FRRS1L: variants seen among roughly 807,000 people sequenced by gnomAD.
The protein encoded by FRRS1L is ferric chelate reductase 1 like.
FRRS1L carries 22 observed loss-of-function variants against 28.6 expected under a neutral mutation model. The observed-to-expected ratio is 0.77, with a 90% CI of 0.55 to 1.10. The LOEUF (loss-of-function observed/expected upper bound fraction) is 1.10. Ranked by LOEUF, FRRS1L falls within the 50% of genes least tolerant of loss-of-function variation. FRRS1L has a pLI of 0.00. For missense variants in FRRS1L, 380 were observed against 386.9 expected (o/e 0.98, Z 0.15); for synonymous variants, 158 against 151.4 (o/e 1.04, Z -0.32).
In FRRS1L at chr9:109,147,099, T is replaced by G. The variant is rs747217887; in HGVS notation, c.414A>C (p.Ala138=). The G allele has an allele frequency of 2.5e-6, 4 of 1,613,756 alleles. No homozygotes were observed. In the Admixed American group the frequency reaches 6.7e-5, roughly 27 times the overall value. The stretch of plus-strand genomic sequence containing the variant: ...CAACTGCTACCCAACCATCTGTGTC[T>G]GCACTCAGCTCAAATTCTACATCAG... ...IGADVEFELS[A]DTDGWVAVGF... Residue 138 remains alanine, a synonymous_variant, in exon 3 of 5, where the codon GCA becomes GCC. Transcript: ENST00000561981.
intron 1 of FRRS1L, among the ~76,000 whole-genome samples, chr9:109,162,499 T>C (rs1308744228): frequency 1.3e-5 from 2 of 152,232 alleles, no homozygotes; most frequent in African/African-American, 2.4e-5. Context: ...AGTCAAACTT[T>C]CTGTGGGTCA....
At chr9:109,161,136 C>T (rs1410599813) in intron 1 of FRRS1L, among the ~76,000 whole-genome samples, 1 of 152,106 alleles carries the variant, frequency 6.6e-6, no homozygotes, top group Non-Finnish European at 1.5e-5. Context: ...TACTCCCCAG[C>T]ATTCCATCTC....
At position 109,136,202 on chromosome 9, in the gene FRRS1L, C is replaced by T. The variant is rs1220050342; in HGVS notation, c.*1253G>A. 4.0e-5 allele frequency: 6 copies of T among 150,016 alleles called. No individual in the cohort carries two copies. Among genetic ancestry groups the T allele is most frequent in the Non-Finnish European group, 7.4e-5 (5 of 67,766 alleles). The allele number at this position is 150,016 out of a possible 1,614,324, so 9.3% of individuals were successfully genotyped here. A position where few individuals can be genotyped will look rare whatever the true frequency, so the allele number is the denominator to read the frequency against. On this transcript the variant is annotated 3_prime_UTR_variant, in exon 5 of 5. Transcript: ENST00000561981. ...AAGCTGAGATCACACCATTGTACTC[C>T]AGCCTGGGCGACAAGAGGGAAAATT...
chr9:109,156,374 T>C (rs1056832381), intron 1 of FRRS1L, among the ~76,000 whole-genome samples: 1 of 152,212 alleles, frequency 6.6e-6, no homozygotes, highest in Non-Finnish European at 1.5e-5. Flanking sequence ...GTTTCCATTT[T>C]TAATTGAATG....
At chr9:109,152,499 G>A (rs1831342384) in intron 1 of FRRS1L, among the ~76,000 whole-genome samples, 1 of 150,894 alleles carries the variant, frequency 6.6e-6, no homozygotes, top group African/African-American at 2.4e-5. Flanking sequence ...GGGTACGATT[G>A]TCTCTTTAAG....
chr9:109,138,538 G>A (rs55915100), intron 4 of FRRS1L: 5,481 of 152,274 alleles, frequency 0.036, 133 homozygotes, highest in South Asian at 0.07. Context: ...CCTGCTTAGT[G>A]TCCGTGCTGG....
intron 4 of FRRS1L, chr9:109,138,719 TC>T (rs1234507954): frequency 3.3e-5 from 5 of 151,848 alleles, no homozygotes; most frequent in Non-Finnish European, 5.9e-5. Context: ...TCTCAATAGA[TC>T]CCAGTCACCT....
chr9:109,150,534 A>G (rs1273734298), intron 1 of FRRS1L: 1 of 152,142 alleles, frequency 6.6e-6, no homozygotes, highest in Non-Finnish European at 1.5e-5. Context: ...AATTCTTTAA[A>G]CACATAATTT....
Position 109,166,280 on chromosome 9 carries a change from G to A in FRRS1L, c.238+621C>T, listed in dbSNP as rs1489455551. On this transcript the variant is annotated intron_variant, in intron 1 of 4. Coordinates refer to ENST00000561981, the MANE Select transcript of FRRS1L (RefSeq NM_014334.4). ...GACAAACTCCCAGTCTGCGGGCCCA[G>A]CAGGCCACAACAATGGTGGCTCGCA... is the stretch of plus-strand genomic sequence containing the variant. Among the ~76,000 whole-genome samples the A allele has an allele frequency of 3.3e-5, 5 of 152,104 alleles. No individual in the cohort carries two copies. In the East Asian group the frequency reaches 9.6e-4, roughly 29 times the overall value.
At position 109,136,479 on chromosome 9, in the gene FRRS1L, G is replaced by A. The variant is rs897056588; in HGVS notation, c.*976C>T. On this transcript the variant is annotated 3_prime_UTR_variant, in exon 5 of 5. Transcript: ENST00000561981. ...ATAGCAGTAAAAATGTTTTCCCATAGCTGCTCTCTAACTGAGAAGAAATTT... is the reference window on the plus strand; with the variant it reads ...ATAGCAGTAAAAATGTTTTCCCATAACTGCTCTCTAACTGAGAAGAAATTT... 1 of 151,138 alleles carries A rather than the reference G, an allele frequency of 6.6e-6. No individual in the cohort carries two copies. Among genetic ancestry groups the A allele is most frequent in the African/African-American group, 2.4e-5 (1 of 41,056 alleles). The allele number at this position is 151,138 out of a possible 1,614,324, so 9.4% of individuals were successfully genotyped here. A position where few individuals can be genotyped will look rare whatever the true frequency, so the allele number is the denominator to read the frequency against.
chr9:109,153,738 A>G (rs151118829), intron 1 of FRRS1L, among the ~76,000 whole-genome samples: 161 of 152,284 alleles, frequency 1.1e-3, no homozygotes, highest in African/African-American at 3.8e-3. Flanking sequence ...ACTCTGGGTC[A>G]TTAGTGTAGG....
Position 109,132,989 on chromosome 9 carries a change from T to C in FRRS1L, c.*4466A>G, listed in dbSNP as rs2118449074. 6.6e-6 allele frequency: 1 copy of C among 152,296 alleles called. No individual in the cohort carries two copies. Among genetic ancestry groups the C allele is most frequent in the South Asian group, 2.1e-4 (1 of 4,826 alleles). The allele number at this position is 152,296 out of a possible 1,614,324, so 9.4% of individuals were successfully genotyped here. A position where few individuals can be genotyped will look rare whatever the true frequency, so the allele number is the denominator to read the frequency against. On this transcript the variant is annotated 3_prime_UTR_variant, in exon 5 of 5. Coordinates refer to ENST00000561981, the MANE Select transcript of FRRS1L (RefSeq NM_014334.4). ...GTGGTCACGTCTCTTATGCACAAAA[T>C]CCTGAATATAGACAGTAAACTTAAT...
chr9:109,155,125 A>C (rs1295697449), intron 1 of FRRS1L, among the ~76,000 whole-genome samples: 2 of 152,214 alleles, frequency 1.3e-5, no homozygotes, highest in Non-Finnish European at 2.9e-5. Flanking sequence ...TAGCCTGTTC[A>C]TGGCCAGGCA....
chr9:109,154,047 TC>T (rs1250595177), intron 1 of FRRS1L, among the ~76,000 whole-genome samples: 2 of 152,010 alleles, frequency 1.3e-5, no homozygotes, highest in Non-Finnish European at 1.5e-5. Context: ...AAGCAAGTTC[TC>T]AGCAACTCTA....
At chr9:109,153,090 T>C (rs1831355961) in intron 1 of FRRS1L, among the ~76,000 whole-genome samples, 1 of 152,206 alleles carries the variant, frequency 6.6e-6, no homozygotes, top group Non-Finnish European at 1.5e-5. Context: ...ATTTGGCCTT[T>C]GTCCCTGGTT....
chr9:109,131,343 T>A lies in FRRS1L; in HGVS notation c.*6112A>T, dbSNP rs573626548. The stretch of plus-strand genomic sequence containing the variant: ...AAAGGCTTAGTAAAACATCCAGGAA[T>A]CCTTTCTACAAACTACATTGCTATA... On this transcript the variant is annotated 3_prime_UTR_variant, in exon 5 of 5. Coordinates refer to ENST00000561981, the MANE Select transcript of FRRS1L (RefSeq NM_014334.4). 1 of 152,352 alleles carries A rather than the reference T, an allele frequency of 6.6e-6. No individual in the cohort carries two copies. Among genetic ancestry groups the A allele is most frequent in the East Asian group, 1.9e-4 (1 of 5,190 alleles). 9.4% of individuals were successfully genotyped at this position (152,352 alleles called of 1,614,324 possible). A position where few individuals can be genotyped will look rare whatever the true frequency, so the allele number is the denominator to read the frequency against.
chr9:109,162,872 G>T (rs940438403), intron 1 of FRRS1L, among the ~76,000 whole-genome samples: 2 of 152,186 alleles, frequency 1.3e-5, no homozygotes, highest in Non-Finnish European at 2.9e-5. Flanking sequence ...ATTGTGATCA[G>T]AACTCAATGG....
chr9:109,145,719 T>TA (rs921842752), intron 3 of FRRS1L, among the ~76,000 whole-genome samples: 30 of 146,636 alleles, frequency 2.0e-4, no homozygotes, highest in East Asian at 1.0e-3. Context: ...GTCTAAAAAA[T>TA]AAAAAAAACC....
At chr9:109,160,644 G>A (rs1283215502) in intron 1 of FRRS1L, among the ~76,000 whole-genome samples, 1 of 152,032 alleles carries the variant, frequency 6.6e-6, no homozygotes, top group Non-Finnish European at 1.5e-5. Context: ...TGGGATTACA[G>A]GCATGAGCCA....
Sources: allele counts gnomAD v4.1 joint callset (sites outside exome capture counted in the v4.1 genomes callset), GRCh38; gene constraint gnomAD v4.1.1; transcripts MANE v1.5; gene names NCBI Gene and HGNC (gene_info 2026-07-23, HGNC 2026-07-21).